U2SURP: variants seen among roughly 807,000 people sequenced by gnomAD.
U2SURP encodes U2 snRNP associated SURP domain containing, also known as U2 snRNP-associated SURP motif-containing protein.
Under a neutral mutation model 144.9 loss-of-function variants are expected in U2SURP, and 9 were observed. That is an observed-to-expected ratio of 0.06 (90% CI 0.04 to 0.11). U2SURP has a LOEUF of 0.11. Among genes scored for constraint, U2SURP ranks in the 10% least tolerant of loss-of-function variants. U2SURP has a pLI of 1.00. For synonymous variants in U2SURP, 408 were observed against 396.8 expected, an observed-to-expected ratio of 1.03 and a Z score of -0.33; for missense variants, 724 against 1,226.7, an observed-to-expected ratio of 0.59 and a Z score of 6.12.
chr3:143,036,925 CAG>C lies in U2SURP; in HGVS notation c.2065-253_2065-252del, dbSNP rs139150775. 2,359 of 455,684 alleles carry C rather than the reference CAG, an allele frequency of 5.2e-3. 46 individuals carry two copies. Among genetic ancestry groups the C allele is most frequent in the African/African-American group, 0.042 (2,119 of 50,650 alleles). The allele number at this position is 455,684 out of a possible 1,614,324, so 28.2% of individuals were successfully genotyped here. On this transcript the variant is annotated intron_variant, in intron 20 of 27. Transcript: ENST00000473835. Reference sequence around the variant, plus strand: ...CAAAAACCTTTACCAGGCTCTATAACAGGGGGACCAAACTTGTTTTTGCTCAT... The same window carrying C: ...CAAAAACCTTTACCAGGCTCTATAACGGGGACCAAACTTGTTTTTGCTCAT...
chr3:143,014,007 A>G (rs1026404686), intron 3 of U2SURP, among the ~76,000 whole-genome samples: 7 of 151,862 alleles, frequency 4.6e-5, no homozygotes, highest in Admixed American at 1.3e-4. Context: ...TTCCCCCTCA[A>G]ATGCTTTTAT....
chr3:143,010,975 C>T lies in U2SURP; in HGVS notation c.90+116C>T, dbSNP rs1578114512. 1.4e-5 allele frequency: 10 copies of T among 697,866 alleles called. No homozygotes were observed. The South Asian group carries it at 1.5e-4, about 11-fold the overall frequency. 43.2% of individuals were successfully genotyped at this position (697,866 alleles called of 1,614,324 possible). A position where few individuals can be genotyped will look rare whatever the true frequency, so the allele number is the denominator to read the frequency against. On this transcript the variant is annotated intron_variant, in intron 2 of 27. Transcript: ENST00000473835. ...TAAATACAATTGTATGTGCTTTTTT[C>T]TTTTACTCTTTTTTTTCTAGGCGCC...
rs1370466756 is a variant in U2SURP at position 143,029,261 on chromosome 3, TTTA to T, written c.1610+618_1610+620del. On this transcript the variant is annotated intron_variant, in intron 16 of 27. Coordinates refer to ENST00000473835, the MANE Select transcript of U2SURP (RefSeq NM_001080415.2). ...AGAATTAAGTACAGACATACTTAGT[TTTA>T]TTGCGCTTTGACTTACTGTGCTCTG... Among the ~76,000 whole-genome samples, 10 of 152,218 alleles carry T rather than the reference TTTA, an allele frequency of 6.6e-5. No individual in the cohort carries two copies. The East Asian group carries it at 1.9e-3, about 29-fold the overall frequency.
At chr3:143,055,446 TGAAA>T (rs1195879855) in intron 27 of U2SURP, among the ~76,000 whole-genome samples, 1 of 152,194 alleles carries the variant, frequency 6.6e-6, no homozygotes, top group Admixed American at 6.5e-5. Flanking sequence ...TTGTCAAAGC[TGAAA>T]GAAACACACA....
chr3:143,038,104 A>G lies in U2SURP; in HGVS notation c.2222-4A>G. On this transcript the variant is annotated splice_region_variant and splice_polypyrimidine_tract_variant and intron_variant, in intron 21 of 27. Transcript: ENST00000473835. ...AGGGTTAATGGCTTATCTTTCCCTA[A>G]TAGTGGATGCAACTGAAGACTCAAA... 6.3e-7 allele frequency: 1 copy of G among 1,596,518 alleles called. No homozygotes were observed. The highest frequency in any genetic ancestry group is 8.5e-7 in the Non-Finnish European group (1 of 1,172,660).
At chr3:143,037,064 C>T in intron 20 of U2SURP, 115 bp from the exon 21 acceptor site, 1 of 943,028 alleles carries the variant, frequency 1.1e-6, no homozygotes, top group South Asian at 1.8e-5. Context: ...TTACATTGTA[C>T]CTCAGATTGT....
rs1013097026 is a variant in U2SURP at position 143,016,873 on chromosome 3, A to G, written c.468A>G (p.Lys156=). 6.4e-7 allele frequency: 1 copy of G among 1,574,694 alleles called. No homozygotes were observed. The change falls in exon 6 of 28, where the codon AAA becomes AAG. Residue 156 remains lysine, a synonymous_variant. Transcript: ENST00000473835. Reference sequence around the variant, plus strand: ...ATGAAACAGATGAAAAAAGAGGTAAAATCTATAAGCCATCTTCAAGATTTG... The same window carrying G: ...ATGAAACAGATGAAAAAAGAGGTAAGATCTATAAGCCATCTTCAAGATTTG... The part of the protein sequence containing the change: ...EEHETDEKRG[K]IYKPSSRFAD...
chr3:143,022,416 G>T, intron 10 of U2SURP, 81 bp from the exon 11 acceptor site: 2 of 1,353,346 alleles, frequency 1.5e-6, no homozygotes, highest in Non-Finnish European at 9.8e-7. Context: ...TTTTTATTTT[G>T]TAAAAACTAC....
chr3:143,057,484 C>T lies in U2SURP; in HGVS notation c.*1034C>T, dbSNP rs573407929. ...AAATGTTTTTCAGGAAACTTCGTAT[C>T]TAATGGTTTGTAAATTCAAGGTGCA... is the stretch of plus-strand genomic sequence containing the variant. On this transcript the variant is annotated 3_prime_UTR_variant, in exon 28 of 28. Transcript: ENST00000473835. 6.6e-6 allele frequency: 1 copy of T among 152,166 alleles called. No homozygotes were observed. The highest frequency in any genetic ancestry group is 6.6e-5 in the Admixed American group (1 of 15,242). 9.4% of individuals were successfully genotyped at this position (152,166 alleles called of 1,614,324 possible). A position where few individuals can be genotyped will look rare whatever the true frequency, so the allele number is the denominator to read the frequency against.
At chr3:143,051,173 G>A in intron 25 of U2SURP, 124 bp downstream of exon 25, 1 of 565,466 alleles carries the variant, frequency 1.8e-6, no homozygotes. Context: ...AATACTAGTA[G>A]GGCAATCAGA....
intron 25 of U2SURP, among the ~76,000 whole-genome samples, chr3:143,051,619 AAAG>A (rs1934864434): frequency 6.6e-6 from 1 of 150,878 alleles, no homozygotes; most frequent in South Asian, 2.1e-4. Context: ...AAAAAAAAAA[AAAG>A]AAAAACCAAT....
chr3:143,056,706 G>T lies in U2SURP; in HGVS notation c.*256G>T. ...TTCTAATGGATTTCATCAGAAATGT[G>T]TATAATGGATCTGCTGACAGTAGTA... On this transcript the variant is annotated 3_prime_UTR_variant, in exon 28 of 28. Transcript: ENST00000473835. The T allele has an allele frequency of 2.8e-6, 1 of 358,740 alleles. No individual in the cohort carries two copies. Among genetic ancestry groups the T allele is most frequent in the East Asian group, 4.8e-5 (1 of 20,966 alleles). The allele number at this position is 358,740 out of a possible 1,614,324, so 22.2% of individuals were successfully genotyped here. A position where few individuals can be genotyped will look rare whatever the true frequency, so the allele number is the denominator to read the frequency against.
intron 24 of U2SURP, among the ~76,000 whole-genome samples, chr3:143,044,306 T>TTTTTTTTTTTTA (rs1934291403): frequency 7.5e-6 from 1 of 132,714 alleles, no homozygotes; most frequent in East Asian, 2.2e-4. Context: ...TTTTTTTTTT[T>TTTTTTTTTTTTA]GAGACGGGGT....
rs928260735 is a variant in U2SURP, at chr3:143,059,848, C to T, written c.*3398C>T. 1 of 152,312 alleles carries T rather than the reference C, an allele frequency of 6.6e-6. No individual in the cohort carries two copies. The highest frequency in any genetic ancestry group is 1.5e-5 in the Non-Finnish European group (1 of 67,826). The allele number at this position is 152,312 out of a possible 1,614,324, so 9.4% of individuals were successfully genotyped here. A position where few individuals can be genotyped will look rare whatever the true frequency, so the allele number is the denominator to read the frequency against. On this transcript the variant is annotated 3_prime_UTR_variant, in exon 28 of 28. Transcript: ENST00000473835. Reference sequence around the variant, plus strand: ...ACGTGACTGTAAAATCTCACATTTACAAAGTGCTTGATCTCTTCATATTTC... The same window carrying T: ...ACGTGACTGTAAAATCTCACATTTATAAAGTGCTTGATCTCTTCATATTTC...
intron 16 of U2SURP, among the ~76,000 whole-genome samples, chr3:143,030,428 A>G (rs186021693): frequency 5.2e-4 from 79 of 152,360 alleles, no homozygotes; most frequent in African/African-American, 1.9e-3. Flanking sequence ...TGTTTACAGC[A>G]TGGTTTACTG....
chr3:143,007,454 T>TA (rs1158238326), intron 1 of U2SURP, among the ~76,000 whole-genome samples: 1 of 149,428 alleles, frequency 6.7e-6, no homozygotes, highest in South Asian at 2.1e-4. Flanking sequence ...ATTTTTTTTT[T>TA]TTTTTTTTTG....
In U2SURP at chr3:143,058,896, G is replaced by A. The variant is rs1043459201; in HGVS notation, c.*2446G>A. 1.3e-5 allele frequency: 2 copies of A among 151,854 alleles called. No homozygotes were observed. The highest frequency in any genetic ancestry group is 1.5e-5 in the Non-Finnish European group (1 of 67,808). 9.4% of individuals were successfully genotyped at this position (151,854 alleles called of 1,614,324 possible). A position where few individuals can be genotyped will look rare whatever the true frequency, so the allele number is the denominator to read the frequency against. ...ACTTACTGTCCTCTACCACAGCTACGTGCCAGAGTTGTTTTCCACAGTTCT... is the reference window on the plus strand; with the variant it reads ...ACTTACTGTCCTCTACCACAGCTACATGCCAGAGTTGTTTTCCACAGTTCT... On this transcript the variant is annotated 3_prime_UTR_variant, in exon 28 of 28. Transcript: ENST00000473835.
chr3:143,039,054 C>A, intron 23 of U2SURP, 94 bp downstream of exon 23: 1 of 935,866 alleles, frequency 1.1e-6, no homozygotes, highest in South Asian at 2.4e-5. Context: ...AAGTGGAAAA[C>A]TTCACTCTTA....
At chr3:143,028,902 C>T (rs1421259090) in intron 16 of U2SURP, among the ~76,000 whole-genome samples, 3 of 152,130 alleles carry the variant, frequency 2.0e-5, no homozygotes, top group African/African-American at 7.2e-5. Context: ...ATTTCTTTAG[C>T]ATTGGAGTAC....
Sources: allele counts gnomAD v4.1 joint callset (sites outside exome capture counted in the v4.1 genomes callset), GRCh38; gene constraint gnomAD v4.1.1; transcripts MANE v1.5; gene names NCBI Gene and HGNC (gene_info 2026-07-23, HGNC 2026-07-21).